FSTL5: variants seen among roughly 807,000 people sequenced by gnomAD.
The protein encoded by FSTL5 is follistatin-related protein 5.
In FSTL5, 62 loss-of-function variants were observed where a neutral mutation model predicts 89.1. The observed-to-expected ratio is 0.70, with a 90% CI of 0.57 to 0.86. FSTL5 has a LOEUF of 0.86. Ranked by LOEUF, FSTL5 falls within the 40% of genes least tolerant of loss-of-function variation. The pLI, the probability that FSTL5 is intolerant of heterozygous loss-of-function variation, is 0.00. For missense variants in FSTL5, 1,057 were observed against 1,001.6 expected (o/e 1.06, Z -0.75); for synonymous variants, 383 against 346.2 (o/e 1.11, Z -1.18).
chr4:162,063,291 T>C (rs763113854), intron 2 of FSTL5, among the ~76,000 whole-genome samples: 4 of 151,850 alleles, frequency 2.6e-5, no homozygotes, highest in Non-Finnish European at 5.9e-5. Flanking sequence ...TACATAGTTT[T>C]AAATAACAAA....
At chr4:162,138,397 G>A (rs149168782) in intron 1 of FSTL5, among the ~76,000 whole-genome samples, 90 of 152,204 alleles carry the variant, frequency 5.9e-4, no homozygotes, top group African/African-American at 1.7e-3. Context: ...ACATCTCAGT[G>A]CATGCAGATA....
chr4:161,818,429 G>C (rs1431025810), intron 4 of FSTL5, among the ~76,000 whole-genome samples: 2 of 152,210 alleles, frequency 1.3e-5, no homozygotes, highest in African/African-American at 2.4e-5. Context: ...ACAAGGTAGA[G>C]GTTCTAATTC....
In FSTL5 at chr4:161,475,999, C is replaced by T. The variant is rs145866322; in HGVS notation, c.1608+5021G>A. On this transcript the variant is annotated intron_variant, in intron 13 of 15. Coordinates refer to ENST00000306100, the MANE Select transcript of FSTL5 (RefSeq NM_020116.5). ...TGATCTCCTGACCTCGTGATCCGCCCGCCTGGGCCTCCCAAAATGCTGGGA... is the reference window on the plus strand; with the variant it reads ...TGATCTCCTGACCTCGTGATCCGCCTGCCTGGGCCTCCCAAAATGCTGGGA... Among the ~76,000 whole-genome samples the T allele has an allele frequency of 2.0e-3, 311 of 151,988 alleles. 2 individuals are homozygous for T. The highest frequency in any genetic ancestry group is 6.6e-3 in the East Asian group (34 of 5,162).
intron 7 of FSTL5, among the ~76,000 whole-genome samples, chr4:161,619,084 T>C (rs1473167740): frequency 6.6e-6 from 1 of 152,194 alleles, no homozygotes; most frequent in South Asian, 2.1e-4. Context: ...AAACAAGAAA[T>C]GGGGAAAGGA....
intron 15 of FSTL5, among the ~76,000 whole-genome samples, chr4:161,436,246 G>A (rs1732557678): frequency 6.6e-6 from 1 of 152,118 alleles, no homozygotes; most frequent in Non-Finnish European, 1.5e-5. Flanking sequence ...ACTACTCATG[G>A]TAGCCTTTAA....
At chr4:161,927,394 A>G (rs1734157183) in intron 3 of FSTL5, among the ~76,000 whole-genome samples, 1 of 151,712 alleles carries the variant, frequency 6.6e-6, no homozygotes, top group South Asian at 2.1e-4. Flanking sequence ...TAAACAGCAT[A>G]TTAACATTTT....
Position 161,920,580 on chromosome 4 carries a change from G to T in FSTL5, c.233C>A (p.Thr78Asn), listed in dbSNP as rs774209700. Residue 78 changes from threonine (T) to asparagine (N), a missense_variant, in exon 4 of 16, where the codon ACC becomes AAC. Physicochemically the swap from Thr to Asn is moderately conservative, Grantham distance 65. This residue lies in a region of FSTL5 where 980 missense variants were observed against 903.2 expected (regional missense o/e 1.08). Coordinates refer to ENST00000306100, the MANE Select transcript of FSTL5 (RefSeq NM_020116.5). ...KYCGLGRHCVTSRETGQAECA... is the reference protein window; with the variant it reads ...KYCGLGRHCVNSRETGQAECA... ...TTCTGCTTGCCCTGTCTCTCTGCTGGTAACACAGTGTCTTCCCAAACCACA... is the reference window on the plus strand; with the variant it reads ...TTCTGCTTGCCCTGTCTCTCTGCTGTTAACACAGTGTCTTCCCAAACCACA... The T allele has an allele frequency of 6.2e-7, 1 of 1,613,802 alleles. No homozygotes were observed. The highest frequency in any genetic ancestry group is 1.1e-5 in the South Asian group (1 of 91,074).
chr4:161,544,567 A>C (rs1043794680), intron 8 of FSTL5, among the ~76,000 whole-genome samples: 2 of 151,956 alleles, frequency 1.3e-5, no homozygotes, highest in Non-Finnish European at 2.9e-5. Context: ...TGATGGTTAC[A>C]CAACATTGTA....
chr4:161,763,475 T>C (rs1158539194), intron 5 of FSTL5, among the ~76,000 whole-genome samples: 2 of 152,066 alleles, frequency 1.3e-5, no homozygotes, highest in Non-Finnish European at 2.9e-5. Context: ...ATGGAAGATA[T>C]ACAAGACATG....
At chr4:161,551,891 A>C (rs540384554) in intron 8 of FSTL5, among the ~76,000 whole-genome samples, 1 of 152,070 alleles carries the variant, frequency 6.6e-6, no homozygotes, top group Admixed American at 6.6e-5. Flanking sequence ...CCCTAGAAGA[A>C]AACCTAGGCA....
At chr4:161,638,596 T>G (rs1257541207) in intron 7 of FSTL5, among the ~76,000 whole-genome samples, 4 of 149,760 alleles carry the variant, frequency 2.7e-5, no homozygotes, top group African/African-American at 7.4e-5. Flanking sequence ...CCATTCCTTC[T>G]GAAACTATTC....
intron 13 of FSTL5, among the ~76,000 whole-genome samples, chr4:161,480,702 T>C (rs996226675): frequency 4.6e-5 from 7 of 152,326 alleles, no homozygotes; most frequent in African/African-American, 1.7e-4. Flanking sequence ...AATTGGCCTC[T>C]GCCTGCTCCG....
chr4:161,957,838 C>T (rs1328701543), intron 3 of FSTL5, among the ~76,000 whole-genome samples: 1 of 152,034 alleles, frequency 6.6e-6, no homozygotes, highest in African/African-American at 2.4e-5. Context: ...TTGTTGAGAT[C>T]CATATAAAGC....
chr4:161,938,317 G>T (rs1257081508), intron 3 of FSTL5, among the ~76,000 whole-genome samples: 1 of 151,938 alleles, frequency 6.6e-6, no homozygotes, highest in African/African-American at 2.4e-5. Flanking sequence ...ATAAGTAAAT[G>T]CTTCATACAC....
chr4:162,111,466 A>G, intron 1 of FSTL5, 54 bp from the exon 2 acceptor site: 1 of 1,332,698 alleles, frequency 7.5e-7, no homozygotes. Flanking sequence ...ATATTAAAAA[A>G]CATGTATCAT....
chr4:161,890,686 TAAAA>T (rs5863497), intron 4 of FSTL5, among the ~76,000 whole-genome samples: 1 of 115,054 alleles, frequency 8.7e-6, no homozygotes. Flanking sequence ...AGACTCTGTC[TAAAA>T]AAAAAAAAAA....
At chr4:161,746,997 C>G (rs1469880294) in intron 6 of FSTL5, among the ~76,000 whole-genome samples, 1 of 152,150 alleles carries the variant, frequency 6.6e-6, no homozygotes, top group Non-Finnish European at 1.5e-5. Context: ...CAAAAGTGAT[C>G]TCTGCTTAGA....
chr4:161,475,878 T>G (rs1226907815), intron 13 of FSTL5, among the ~76,000 whole-genome samples: 2 of 151,854 alleles, frequency 1.3e-5, no homozygotes, highest in African/African-American at 2.4e-5. Flanking sequence ...GCCTCCCGAG[T>G]AGATGAGACT....
chr4:161,912,558 T>G (rs535937091), intron 4 of FSTL5, among the ~76,000 whole-genome samples: 1 of 152,328 alleles, frequency 6.6e-6, no homozygotes, highest in Admixed American at 6.5e-5. Flanking sequence ...ACCGTGATTC[T>G]GAGGCCTTCC....
Sources: allele counts gnomAD v4.1 joint callset (sites outside exome capture counted in the v4.1 genomes callset), GRCh38; gene constraint gnomAD v4.1.1; regional missense constraint gnomAD v4.1.1; transcripts MANE v1.5; gene names NCBI Gene and HGNC (gene_info 2026-07-23, HGNC 2026-07-21).